MGST1: variants seen among roughly 807,000 people sequenced by gnomAD.
MGST1 encodes the protein microsomal glutathione S-transferase 1.
MGST1 carries 5 observed loss-of-function variants against 8.9 expected under a neutral mutation model. The ratio of observed to expected loss-of-function variants is 0.56; its 90% confidence interval spans 0.29 to 1.19. MGST1 has a LOEUF of 1.19. Ranked by LOEUF, MGST1 falls within the 50% of genes most tolerant of loss-of-function variation. MGST1 has a pLI of 0.08. For missense variants in MGST1, 182 were observed against 187.4 expected, an observed-to-expected ratio of 0.97 and a Z score of 0.17; for synonymous variants, 54 against 67.8, an observed-to-expected ratio of 0.80 and a Z score of 1.00.
intron 1 of MGST1, chr12:16,348,004 T>C (rs1175755432): frequency 6.6e-6 from 1 of 152,176 alleles, no homozygotes; most frequent in Non-Finnish European, 1.5e-5. Context: ...TAACCTCCTG[T>C]TTGAAAGGGT....
At chr12:16,439,166 G>C (rs1677309660), downstream of MGST1, among the ~76,000 whole-genome samples, 1 of 150,678 alleles carries the variant, frequency 6.6e-6, no homozygotes, top group Non-Finnish European at 1.5e-5. Flanking sequence ...TGATTGCATA[G>C]AACCCTGTCA....
chr12:16,488,770 G>A (rs920405480), intron 4 of MGST1, among the ~76,000 whole-genome samples: 1 of 152,058 alleles, frequency 6.6e-6, no homozygotes, highest in Non-Finnish European at 1.5e-5. Context: ...AATGTCATGA[G>A]TGTGCATTTT....
intron 1 of MGST1, among the ~76,000 whole-genome samples, chr12:16,407,269 T>C (rs1940703720): frequency 1.3e-5 from 2 of 152,132 alleles, no homozygotes; most frequent in Non-Finnish European, 2.9e-5. Context: ...ACTGACACTT[T>C]TCAAAAGAAG....
intron 4 of MGST1, among the ~76,000 whole-genome samples, chr12:16,475,473 C>T (rs1941316865): frequency 6.6e-6 from 1 of 152,138 alleles, no homozygotes; most frequent in Non-Finnish European, 1.5e-5. Context: ...TTTTGATGAT[C>T]TCAAGATCTC....
chr12:16,447,175 T>A (rs1391975461), intron 4 of MGST1, among the ~76,000 whole-genome samples: 2 of 151,942 alleles, frequency 1.3e-5, no homozygotes, highest in Non-Finnish European at 2.9e-5. Flanking sequence ...TGGCCTTATA[T>A]CCTGAGAGGA....
chr12:16,537,849 G>A lies in MGST1; in HGVS notation n.483-51679G>A, dbSNP rs1339505832. Among the ~76,000 whole-genome samples, 3 of 152,092 alleles carry A rather than the reference G, an allele frequency of 2.0e-5. No individual in the cohort carries two copies. Among genetic ancestry groups the A allele is most frequent in the South Asian group, 2.1e-4 (1 of 4,828 alleles). On this transcript the variant is annotated intron_variant and non_coding_transcript_variant, in intron 4 of 4. Coordinates refer to the MGST1 transcript ENST00000538857. This position sits in a 1 kb window ranked among gnomAD's most constrained non-coding sequence, Gnocchi z 4.6. ...ACCATTTTTTCCTCCTAGCCTTCCCGGTCTGTGATGGGAGGGGCTGCTGTG... is the reference window on the plus strand; with the variant it reads ...ACCATTTTTTCCTCCTAGCCTTCCCAGTCTGTGATGGGAGGGGCTGCTGTG...
At chr12:16,538,663 C>T (rs1941773711) in intron 4 of MGST1, among the ~76,000 whole-genome samples, 1 of 148,246 alleles carries the variant, frequency 6.7e-6, no homozygotes, top group African/African-American at 2.5e-5. Context: ...GGCTGGAGTG[C>T]CGTGGCGAGA....
intron 1 of MGST1, among the ~76,000 whole-genome samples, chr12:16,435,335 C>T (rs1247694836): frequency 6.6e-6 from 1 of 151,914 alleles, no homozygotes; most frequent in Non-Finnish European, 1.5e-5. Flanking sequence ...CTACTTATAG[C>T]TTCCAGGTAA....
chr12:16,377,443 A>G (rs1424391810), downstream of MGST1, among the ~76,000 whole-genome samples: 1 of 151,724 alleles, frequency 6.6e-6, no homozygotes, highest in Non-Finnish European at 1.5e-5. Flanking sequence ...GATGGTTTCC[A>G]GTTTCATCCA....
At chr12:16,356,837 C>T (rs1378438573) in intron 2 of MGST1, among the ~76,000 whole-genome samples, 4 of 152,206 alleles carry the variant, frequency 2.6e-5, no homozygotes, top group African/African-American at 9.7e-5. Context: ...AGACACCTTT[C>T]CCATCCCTTA....
chr12:16,563,404 G>C (rs1021964248), intron 4 of MGST1, among the ~76,000 whole-genome samples: 3 of 151,972 alleles, frequency 2.0e-5, no homozygotes, highest in Non-Finnish European at 4.4e-5. Flanking sequence ...GTTATCCTTT[G>C]GTTTCCAAAC....
At chr12:16,375,651 G>A (rs1008868414) in intron 3 of MGST1, among the ~76,000 whole-genome samples, 2 of 151,832 alleles carry the variant, frequency 1.3e-5, no homozygotes, top group Non-Finnish European at 2.9e-5. Flanking sequence ...AGGATTTGGG[G>A]CATGGCAGAA....
chr12:16,505,559 T>C (rs1282832289), intron 4 of MGST1, among the ~76,000 whole-genome samples: 5 of 152,216 alleles, frequency 3.3e-5, no homozygotes, highest in Non-Finnish European at 7.3e-5. Flanking sequence ...TCTTCCGAGA[T>C]ATACCAATAC....
At chr12:16,492,338 G>A (rs1323970776) in intron 4 of MGST1, among the ~76,000 whole-genome samples, 1 of 152,132 alleles carries the variant, frequency 6.6e-6, no homozygotes, top group Non-Finnish European at 1.5e-5. Context: ...CACAGTGCTT[G>A]ATTACTTCAC....
intron 4 of MGST1, among the ~76,000 whole-genome samples, chr12:16,527,822 T>G (rs1211502505): frequency 6.6e-6 from 1 of 151,982 alleles, no homozygotes; most frequent in African/African-American, 2.4e-5. Context: ...TCCTGGAAAC[T>G]GAAGTAGCCT....
chr12:16,357,692 G>A lies in MGST1; in HGVS notation c.214G>A (p.Val72Ile), dbSNP rs1939784588. 6.2e-6 allele frequency: 10 copies of A among 1,611,792 alleles called. No individual in the cohort carries two copies. Among genetic ancestry groups the A allele is most frequent in the Admixed American group, 1.7e-5 (1 of 59,682 alleles). The change falls in exon 3 of 4, where the codon GTA (valine) becomes ATA (isoleucine). Residue 72 changes from valine (V) to isoleucine (I), a missense_variant. By Grantham distance (29) the Val-to-Ile change is conservative. Coordinates refer to ENST00000396210, the MANE Select transcript of MGST1 (RefSeq NM_020300.5). The stretch of plus-strand genomic sequence containing the variant: ...TCGAACAGATGACAGAGTAGAACGT[G>A]TACGCAGGTAAACCAGTGTCTCTTG... ...YLRTDDRVER[V>I]RRAHLNDLEN...
intron 4 of MGST1, among the ~76,000 whole-genome samples, chr12:16,574,492 A>G (rs1010559739): frequency 1.3e-5 from 2 of 152,160 alleles, no homozygotes; most frequent in African/African-American, 2.4e-5. Flanking sequence ...GGCTGATATT[A>G]CTTGGTATTT....
At chr12:16,527,636 A>G (rs544435967) in intron 4 of MGST1, among the ~76,000 whole-genome samples, 2 of 152,106 alleles carry the variant, frequency 1.3e-5, no homozygotes, top group African/African-American at 4.8e-5. Flanking sequence ...AGGTTCTGGA[A>G]TCTTCTGGCT....
chr12:16,582,899 T>C lies in MGST1; in HGVS notation n.483-6629T>C, dbSNP rs1764809582. Among the ~76,000 whole-genome samples, 2 of 151,886 alleles carry C rather than the reference T, an allele frequency of 1.3e-5. No homozygotes were observed. The highest frequency in any genetic ancestry group is 4.2e-4 in the South Asian group (2 of 4,814). On this transcript the variant is annotated intron_variant and non_coding_transcript_variant, in intron 4 of 4. Coordinates refer to the MGST1 transcript ENST00000538857. This position sits in a 1 kb window ranked among gnomAD's most constrained non-coding sequence, Gnocchi z 4.1. ...CCCGTCTCTACTAAAATAAAAAAAT[T>C]AGCCGGGAGTGGTGGCATGCACCTG... is the stretch of plus-strand genomic sequence containing the variant.
Sources: allele counts gnomAD v4.1 joint callset (sites outside exome capture counted in the v4.1 genomes callset), GRCh38; gene constraint gnomAD v4.1.1; non-coding constraint Gnocchi (gnomAD v3.1); transcripts MANE v1.5; gene names NCBI Gene and HGNC (gene_info 2026-07-23, HGNC 2026-07-21).